PTPN5: variants seen among roughly 807,000 people sequenced by gnomAD.
PTPN5 encodes tyrosine-protein phosphatase non-receptor type 5.
PTPN5 carries 29 observed loss-of-function variants against 73.9 expected under a neutral mutation model. The observed-to-expected ratio is 0.39, with a 90% CI of 0.29 to 0.54. The LOEUF (loss-of-function observed/expected upper bound fraction) is 0.54, where lower values mean the gene tolerates loss of function less well. PTPN5 is among the 20% of genes least tolerant of loss of function. The pLI, the probability that PTPN5 is intolerant of heterozygous loss-of-function variation, is 0.65. For missense variants in PTPN5, 652 were observed against 751.4 expected, an observed-to-expected ratio of 0.87 and a Z score of 1.55; for synonymous variants, 267 against 304.7, an observed-to-expected ratio of 0.88 and a Z score of 1.29.
intron 8 of PTPN5, among the ~76,000 whole-genome samples, chr11:18,738,949 G>A (rs890319145): frequency 8.1e-5 from 12 of 147,626 alleles, no homozygotes; most frequent in Non-Finnish European, 1.8e-4. Context: ...TCCAGCCTGG[G>A]CAACAAGAGT....
intron 3 of PTPN5, among the ~76,000 whole-genome samples, chr11:18,751,657 C>T (rs1473555856): frequency 1.3e-5 from 2 of 152,206 alleles, no homozygotes; most frequent in East Asian, 3.8e-4. Context: ...AATCTCCACA[C>T]TCTCCAGGCA....
At position 18,772,069 on chromosome 11, in the gene PTPN5, C is replaced by G. The variant is rs1850928261; in HGVS notation, c.-111G>C. 2 of 784,098 alleles carry G rather than the reference C, an allele frequency of 2.6e-6. No individual in the cohort carries two copies. The highest frequency in any genetic ancestry group is 6.0e-5 in the East Asian group (2 of 33,266). 48.6% of individuals were successfully genotyped at this position (784,098 alleles called of 1,614,324 possible). A position where few individuals can be genotyped will look rare whatever the true frequency, so the allele number is the denominator to read the frequency against. On this transcript the variant is annotated splice_region_variant and 5_prime_UTR_variant, in exon 2 of 15. Transcript: ENST00000358540. ...GGAGAGAGGGCAGCTTCAGATCATC[C>G]AGCTGGGAAAACGGGGCAAAGAGAG... is the stretch of plus-strand genomic sequence containing the variant.
intron 12 of PTPN5, among the ~76,000 whole-genome samples, chr11:18,731,335 A>C (rs1848868365): frequency 6.6e-6 from 1 of 152,038 alleles, no homozygotes; most frequent in Admixed American, 6.5e-5. Context: ...TCTCTAGCTC[A>C]GTACTTACCA....
intron 1 of PTPN5, among the ~76,000 whole-genome samples, chr11:18,783,418 CCTGACCCCT>C (rs1313669637): frequency 1.3e-5 from 2 of 152,240 alleles, no homozygotes; most frequent in Non-Finnish European, 1.5e-5. Flanking sequence ...AAAATACTCA[CCTGACCCCT>C]GCCTTCGGAA....
intron 9 of PTPN5, among the ~76,000 whole-genome samples, chr11:18,734,074 T>C (rs1288552361): frequency 6.6e-6 from 1 of 152,204 alleles, no homozygotes; most frequent in African/African-American, 2.4e-5. Flanking sequence ...AGTTTTCCTA[T>C]CTGTCAAATG....
intron 1 of PTPN5, among the ~76,000 whole-genome samples, chr11:18,782,545 T>A (rs1003535192): frequency 2.0e-5 from 3 of 152,164 alleles, no homozygotes; most frequent in Admixed American, 6.5e-5. Context: ...AACTATTTCA[T>A]GACACAAAAG....
At chr11:18,756,130 C>T (rs1403337290) in intron 3 of PTPN5, among the ~76,000 whole-genome samples, 1 of 151,770 alleles carries the variant, frequency 6.6e-6, no homozygotes, top group Non-Finnish European at 1.5e-5. Context: ...TATGCAAAGC[C>T]TTGTCTTGTT....
chr11:18,747,357 G>T (rs984540121), intron 3 of PTPN5, among the ~76,000 whole-genome samples: 23 of 151,826 alleles, frequency 1.5e-4, no homozygotes, highest in Non-Finnish European at 3.1e-4. Context: ...CACCATGTTG[G>T]CCAGGCTGGT....
chr11:18,762,336 C>G (rs1850435998), intron 3 of PTPN5, among the ~76,000 whole-genome samples: 1 of 152,126 alleles, frequency 6.6e-6, no homozygotes, highest in Admixed American at 6.5e-5. Context: ...TTTATACCAT[C>G]ATTATGCAAT....
chr11:18,778,788 A>G (rs1269906597), intron 1 of PTPN5, among the ~76,000 whole-genome samples: 3 of 152,218 alleles, frequency 2.0e-5, no homozygotes, highest in Non-Finnish European at 4.4e-5. Flanking sequence ...TTGCACTGCT[A>G]TAATGAAATT....
intron 5 of PTPN5, 64 bp downstream of exon 5, chr11:18,743,258 G>T: frequency 6.7e-7 from 1 of 1,488,560 alleles, no homozygotes. Flanking sequence ...GGAGGTTGGG[G>T]AGGGTGGGAC....
At chr11:18,785,725 G>C (rs1564935882) in intron 1 of PTPN5, among the ~76,000 whole-genome samples, 1 of 152,120 alleles carries the variant, frequency 6.6e-6, no homozygotes, top group Non-Finnish European at 1.5e-5. Context: ...GTTTCATGTC[G>C]ACTCTTCAGA....
intron 3 of PTPN5, among the ~76,000 whole-genome samples, chr11:18,755,159 G>A (rs1481214513): frequency 6.6e-6 from 1 of 152,204 alleles, no homozygotes; most frequent in Non-Finnish European, 1.5e-5. Context: ...CTCGTGGAGT[G>A]GCTTGTGTGG....
chr11:18,756,002 T>TA lies in PTPN5; in HGVS notation c.97+9804dup, dbSNP rs532445728. 6.0e-3 allele frequency among the ~76,000 whole-genome samples: 684 copies of TA among 113,218 alleles called. 9 individuals are homozygous for TA. Among genetic ancestry groups the TA allele is most frequent in the African/African-American group, 0.012 (349 of 28,806 alleles). 74.3% of individuals were successfully genotyped at this position (113,218 alleles called of 152,430 possible). A position where few individuals can be genotyped will look rare whatever the true frequency, so the allele number is the denominator to read the frequency against. On this transcript the variant is annotated intron_variant, in intron 3 of 14. Coordinates refer to ENST00000358540, the MANE Select transcript of PTPN5 (RefSeq NM_006906.2). ...CTGGGCGACAGAGTGAGACTCTAAA[T>TA]AAAAAAAAAAAAAAAAAAAAGATGA...
chr11:18,743,809 G>A (rs988444892), intron 4 of PTPN5, 197 bp downstream of exon 4: 30 of 623,432 alleles, frequency 4.8e-5, no homozygotes, highest in Non-Finnish European at 7.7e-5. Context: ...CAGGGTGTGA[G>A]GTCTCAGATG....
At chr11:18,789,798 G>A (rs891675372) in intron 1 of PTPN5, among the ~76,000 whole-genome samples, 3 of 152,172 alleles carry the variant, frequency 2.0e-5, no homozygotes, top group Admixed American at 6.5e-5. Context: ...TTGGGGGAAA[G>A]GTGGGAGGTG....
intron 1 of PTPN5, among the ~76,000 whole-genome samples, chr11:18,780,186 C>T (rs567446456): frequency 1.5e-4 from 23 of 152,340 alleles, no homozygotes; most frequent in African/African-American, 5.3e-4. Context: ...CAGGTGACAG[C>T]AGCTGGAGGA....
At position 18,784,361 on chromosome 11, in the gene PTPN5, C is replaced by G. The variant is rs908081182; in HGVS notation, c.-114+7164G>C. 4.6e-5 allele frequency among the ~76,000 whole-genome samples: 7 copies of G among 152,200 alleles called. No homozygotes were observed. In the East Asian group the frequency reaches 1.4e-3, roughly 29 times the overall value. Reference sequence around the variant, plus strand: ...GATATATGATACCACAGAGACGACCCTTGAAAACATTAGGCTAAGTGAAAG... The same window carrying G: ...GATATATGATACCACAGAGACGACCGTTGAAAACATTAGGCTAAGTGAAAG... On this transcript the variant is annotated intron_variant, in intron 1 of 14. Coordinates refer to ENST00000358540, the MANE Select transcript of PTPN5 (RefSeq NM_006906.2).
rs1554916168 is a variant in PTPN5 at position 18,746,164 on chromosome 11, T to TATAA, written c.98-1966_98-1965insTTAT. On this transcript the variant is annotated intron_variant, in intron 3 of 14. Transcript: ENST00000358540. ...TTTGAAAAGCTGTTATAAATATAAA[T>TATAA]ATATATATATATATATATATATATA... is the stretch of plus-strand genomic sequence containing the variant. Among the ~76,000 whole-genome samples, 250 of 64,482 alleles carry TATAA rather than the reference T, an allele frequency of 3.9e-3. 1 individual carries two copies. Among genetic ancestry groups the TATAA allele is most frequent in the African/African-American group, 0.016 (234 of 14,718 alleles). 42.3% of individuals were successfully genotyped at this position (64,482 alleles called of 152,430 possible).
Sources: allele counts gnomAD v4.1 joint callset (sites outside exome capture counted in the v4.1 genomes callset), GRCh38; gene constraint gnomAD v4.1.1; transcripts MANE v1.5; gene names NCBI Gene and HGNC (gene_info 2026-07-23, HGNC 2026-07-21).